DHX57: variants seen among roughly 807,000 people sequenced by gnomAD.
DHX57 encodes the protein putative ATP-dependent RNA helicase DHX57.
DHX57 carries 105 observed loss-of-function variants against 156.2 expected under a neutral mutation model. The observed-to-expected ratio is 0.67, with a 90% confidence interval of 0.57 to 0.79. The LOEUF (loss-of-function observed/expected upper bound fraction) is 0.79. Ranked by LOEUF, DHX57 falls within the 30% of genes least tolerant of loss-of-function variation. DHX57 has a pLI of 0.00. For synonymous variants in DHX57, 704 were observed against 595.6 expected (o/e 1.18, Z -2.65); for missense variants, 1,847 against 1,661.9 (o/e 1.11, Z -1.94).
chr2:38,867,098 C>G (rs1665115658), intron 2 of DHX57: 1 of 152,180 alleles, frequency 6.6e-6, no homozygotes, highest in South Asian at 2.1e-4. Flanking sequence ...TTTAGATACA[C>G]AAATACTTAC....
At chr2:38,798,586 T>G in intron 23 of DHX57, 144 bp from the exon 24 acceptor site, 1 of 928,962 alleles carries the variant, frequency 1.1e-6, no homozygotes. Context: ...CCTAAATACA[T>G]TTTCATTTTG....
At chr2:38,848,731 A>G (rs1672421427) in intron 9 of DHX57, among the ~76,000 whole-genome samples, 2 of 152,222 alleles carry the variant, frequency 1.3e-5, no homozygotes, top group South Asian at 4.1e-4. Context: ...TATACCTTAT[A>G]TACACAGCCT....
chr2:38,845,747 C>T (rs1394133826), intron 11 of DHX57, among the ~76,000 whole-genome samples: 1 of 151,758 alleles, frequency 6.6e-6, no homozygotes, highest in Non-Finnish European at 1.5e-5. Context: ...TGTTTATATG[C>T]AATACACATT....
chr2:38,866,208 A>G (rs1037273260), intron 2 of DHX57, among the ~76,000 whole-genome samples: 11 of 152,216 alleles, frequency 7.2e-5, no homozygotes, highest in Non-Finnish European at 2.9e-5. Context: ...GTCTTACTTC[A>G]TGTAAAAGCC....
Position 38,841,621 on chromosome 2 carries a change from G to T in DHX57, c.2425+1384C>A, listed in dbSNP as rs543809516. Among the ~76,000 whole-genome samples, 16 of 152,318 alleles carry T rather than the reference G, an allele frequency of 1.1e-4. No individual in the cohort carries two copies. In the East Asian group the frequency reaches 2.1e-3, roughly 20 times the overall value. On this transcript the variant is annotated intron_variant, in intron 12 of 23. Transcript: ENST00000457308. ...CTTGTATCCTACAGAAGCAGTAACGGGTTGGAAGCTCTTACTCATGAACAA... is the reference window on the plus strand; with the variant it reads ...CTTGTATCCTACAGAAGCAGTAACGTGTTGGAAGCTCTTACTCATGAACAA...
At chr2:38,808,098 G>A (rs1038639913) in intron 21 of DHX57, among the ~76,000 whole-genome samples, 4 of 151,266 alleles carry the variant, frequency 2.6e-5, no homozygotes, top group African/African-American at 7.3e-5. Context: ...GGGACTAAAG[G>A]TGCACGCCAC....
intron 23 of DHX57, among the ~76,000 whole-genome samples, chr2:38,798,904 T>C (rs778298788): frequency 9.9e-5 from 15 of 151,840 alleles, no homozygotes; most frequent in African/African-American, 2.4e-4. Context: ...GATCGCGCCA[T>C]TGCACTCCAG....
At chr2:38,866,192 C>T (rs1345033495) in intron 2 of DHX57, among the ~76,000 whole-genome samples, 1 of 152,220 alleles carries the variant, frequency 6.6e-6, no homozygotes, top group East Asian at 1.9e-4. Flanking sequence ...CCTCCAAAGG[C>T]CTTCTGTCTT....
intron 17 of DHX57, 37 bp downstream of exon 17, chr2:38,822,956 T>G: frequency 5.6e-6 from 9 of 1,601,622 alleles, no homozygotes; most frequent in Non-Finnish European, 7.7e-6. Context: ...TATGGTCCTC[T>G]TAGAGACTCC....
rs1253314512 is a variant in DHX57, at chr2:38,806,588, G to C, written c.3787C>G (p.His1263Asp). The part of the protein sequence containing the change: ...KFVTKNDGYV[H>D]IHPSSVNYQV... ...TAGTTCACTGATGAAGGGTGAATGT[G>C]TACATATCCATCGTTCTTGGTGACA... is the stretch of plus-strand genomic sequence containing the variant. The change falls in exon 22 of 24, where the codon CAC (histidine) becomes GAC (aspartate). Residue 1263 changes from histidine to aspartate, a missense_variant. His to Asp is a moderately conservative substitution (Grantham distance 81). Transcript: ENST00000457308. The C allele has an allele frequency of 4.3e-6, 7 of 1,613,996 alleles. No homozygotes were observed. Among genetic ancestry groups the C allele is most frequent in the Admixed American group, 1.7e-5 (1 of 59,968 alleles).
chr2:38,809,744 T>C (rs1293005131), intron 21 of DHX57, among the ~76,000 whole-genome samples: 5 of 152,108 alleles, frequency 3.3e-5, no homozygotes, highest in African/African-American at 7.2e-5. Context: ...ATTGCAGGCG[T>C]GAGCCACCGC....
At chr2:38,820,274 G>T (rs1225083784) in intron 17 of DHX57, among the ~76,000 whole-genome samples, 2 of 151,988 alleles carry the variant, frequency 1.3e-5, no homozygotes, top group Non-Finnish European at 2.9e-5. Flanking sequence ...CCAGCAAAGG[G>T]CAGGTGCTCA....
chr2:38,870,451 GA>G (rs1665298971), intron 1 of DHX57, among the ~76,000 whole-genome samples: 2 of 152,202 alleles, frequency 1.3e-5, no homozygotes, highest in Non-Finnish European at 1.5e-5. Context: ...AAAAGACAAA[GA>G]GAAAATCATG....
At chr2:38,874,638 T>C (rs1665520681) in intron 1 of DHX57, among the ~76,000 whole-genome samples, 1 of 151,684 alleles carries the variant, frequency 6.6e-6, no homozygotes, top group Admixed American at 6.6e-5. Flanking sequence ...CTCGATCTCC[T>C]GACCTCGTGA....
chr2:38,865,644 C>G (rs1333041265), intron 2 of DHX57, among the ~76,000 whole-genome samples: 1 of 152,096 alleles, frequency 6.6e-6, no homozygotes, highest in Non-Finnish European at 1.5e-5. Context: ...ACACATTTAT[C>G]ATTTCTTTGT....
At chr2:38,867,492 A>C (rs927851414) in intron 2 of DHX57, among the ~76,000 whole-genome samples, 1 of 152,234 alleles carries the variant, frequency 6.6e-6, no homozygotes, top group African/African-American at 2.4e-5. Context: ...ATGATGGCTG[A>C]TTTGGCTGGA....
chr2:38,844,405 C>T lies in DHX57; in HGVS notation c.2220-1195G>A, dbSNP rs1204779359. 3.6e-4 allele frequency among the ~76,000 whole-genome samples: 2 copies of T among 5,500 alleles called. 1 individual carries two copies. The highest frequency in any genetic ancestry group is 0.5 in the Non-Finnish European group (2 of 4). The allele number at this position is 5,500 out of a possible 152,430, so 3.6% of individuals were successfully genotyped here. A position where few individuals can be genotyped will look rare whatever the true frequency, so the allele number is the denominator to read the frequency against. ...CAGCACTTTGGGAGGCCGAGGCGGG[C>T]GGATCACGAGGTCAGGAGATCGAGA... On this transcript the variant is annotated intron_variant, in intron 11 of 23. Coordinates refer to ENST00000457308, the MANE Select transcript of DHX57 (RefSeq NM_198963.3).
At chr2:38,869,820 C>T (rs1665272001) in intron 1 of DHX57, among the ~76,000 whole-genome samples, 1 of 152,120 alleles carries the variant, frequency 6.6e-6, no homozygotes, top group African/African-American at 2.4e-5. Context: ...AAGTATAACC[C>T]ATACACTGGA....
At chr2:38,867,366 T>A (rs1572714024) in intron 2 of DHX57, 1 of 152,360 alleles carries the variant, frequency 6.6e-6, no homozygotes. Context: ...TTTACTTTTA[T>A]TAAATACTCA....
Sources: gnomAD v4.1 joint callset for allele counts (sites outside exome capture counted in the v4.1 genomes callset) on GRCh38, gnomAD v4.1.1 for gene constraint, MANE v1.5 for transcripts, NCBI Gene and HGNC (gene_info 2026-07-23, HGNC 2026-07-21) for gene names.